Variants in ACER3 observed in about 807,000 individuals in gnomAD.
ACER3 encodes alkCDase 3.
Under a neutral mutation model 48.9 loss-of-function variants are expected in ACER3, and 16 were observed. The ratio of observed to expected loss-of-function variants is 0.33; its 90% CI spans 0.22 to 0.50. ACER3 has a LOEUF of 0.50. ACER3 is among the 20% of genes least tolerant of loss of function. The pLI is 0.98. For synonymous variants in ACER3, 109 were observed against 107.8 expected (o/e 1.01, Z -0.07); for missense variants, 227 against 326.0 (o/e 0.70, Z 2.34).
chr11:77,010,136 A>T (rs1949231450), intron 7 of ACER3, among the ~76,000 whole-genome samples: 1 of 150,972 alleles, frequency 6.6e-6, no homozygotes, highest in South Asian at 2.1e-4. Context: ...AAAGAAATGT[A>T]TTCTTGTGAG....
In ACER3 at chr11:77,022,503, A is replaced by G. The variant is rs1949486901; in HGVS notation, c.*2176A>G. On this transcript the variant is annotated 3_prime_UTR_variant, in exon 11 of 11. Coordinates refer to ENST00000532485, the MANE Select transcript of ACER3 (RefSeq NM_018367.7). ...TTCCAAGTCAGCTGTGCCTCACACA[A>G]GGCTCTCTTTTTAGCTACTAAGTAA... 1 of 152,222 alleles carries G rather than the reference A, an allele frequency of 6.6e-6. No individual in the cohort carries two copies. Among genetic ancestry groups the G allele is most frequent in the Non-Finnish European group, 1.5e-5 (1 of 68,046 alleles). The allele number at this position is 152,222 out of a possible 1,614,324, so 9.4% of individuals were successfully genotyped here.
At position 77,025,335 on chromosome 11, in the gene ACER3, C is replaced by T. The variant is rs1366170359; in HGVS notation, c.*5008C>T. ...TAAACTACAACCCATGGGCCAAATTCAGGCTGCGTTGTATGGCCTGCAAGG... is the reference window on the plus strand; with the variant it reads ...TAAACTACAACCCATGGGCCAAATTTAGGCTGCGTTGTATGGCCTGCAAGG... On this transcript the variant is annotated 3_prime_UTR_variant, in exon 11 of 11. Coordinates refer to ENST00000532485, the MANE Select transcript of ACER3 (RefSeq NM_018367.7). 2 of 150,590 alleles carry T rather than the reference C, an allele frequency of 1.3e-5. No individual in the cohort carries two copies. The highest frequency in any genetic ancestry group is 2.9e-5 in the Non-Finnish European group (2 of 67,826). 9.3% of individuals were successfully genotyped at this position (150,590 alleles called of 1,614,324 possible).
chr11:76,960,820 G>A (rs552168412), intron 3 of ACER3, among the ~76,000 whole-genome samples: 1 of 152,334 alleles, frequency 6.6e-6, no homozygotes, highest in African/African-American at 2.4e-5. Context: ...ATGCAAAGGG[G>A]ACAGCTCAGT....
rs1327920454 is a variant in ACER3, at chr11:76,860,921, G to C, written c.-56G>C. ...GGGCTGGGCCGGAGCCGGCCTGGTC[G>C]CCAGCCTAACCCGGCACAGTGAGCG... On this transcript the variant is annotated 5_prime_UTR_variant, in exon 1 of 11. Coordinates refer to ENST00000532485, the MANE Select transcript of ACER3 (RefSeq NM_018367.7). 1 of 1,288,868 alleles carries C rather than the reference G, an allele frequency of 7.8e-7. No individual in the cohort carries two copies. The highest frequency in any genetic ancestry group is 1.5e-5 in the African/African-American group (1 of 64,816). 79.8% of individuals were successfully genotyped at this position (1,288,868 alleles called of 1,614,324 possible).
intron 1 of ACER3, among the ~76,000 whole-genome samples, chr11:76,865,498 T>C (rs1344989530): frequency 6.6e-6 from 1 of 151,374 alleles, no homozygotes; most frequent in East Asian, 2.0e-4. Flanking sequence ...TTTCTCTGAA[T>C]TCCTCAGATT....
rs570068714 is a variant in ACER3, at chr11:76,949,883, G to T, written c.215-9096G>T. ...ATGGGTTCTAATCTGGACTCTGTCT[G>T]CCTTGCTAGGTTCGTCTTCCGTAAC... On this transcript the variant is annotated intron_variant, in intron 2 of 10. Coordinates refer to ENST00000532485, the MANE Select transcript of ACER3 (RefSeq NM_018367.7). 2.0e-5 allele frequency among the ~76,000 whole-genome samples: 3 copies of T among 152,216 alleles called. No homozygotes were observed. The South Asian group carries it at 6.2e-4, about 32-fold the overall frequency.
chr11:76,919,027 G>A (rs878929302), intron 1 of ACER3, among the ~76,000 whole-genome samples: 1 of 152,192 alleles, frequency 6.6e-6, no homozygotes, highest in Non-Finnish European at 1.5e-5. Context: ...GCTCAAACCA[G>A]TTACAGCTTT....
intron 2 of ACER3, among the ~76,000 whole-genome samples, chr11:76,934,113 C>T (rs1352300562): frequency 6.6e-6 from 1 of 151,992 alleles, no homozygotes; most frequent in Non-Finnish European, 1.5e-5. Flanking sequence ...AGGCACTCCT[C>T]ACTTCCTAGA....
Position 76,963,605 on chromosome 11 carries a change from C to T in ACER3, c.267+4574C>T, listed in dbSNP as rs1293459495. On this transcript the variant is annotated intron_variant, in intron 3 of 10. Transcript: ENST00000532485. ...AATCCAGTGACATGCTGGATCCAAT[C>T]GGTCTTAGCCAGCTTGGTCCACACC... is the stretch of plus-strand genomic sequence containing the variant. Among the ~76,000 whole-genome samples, 2 of 151,312 alleles carry T rather than the reference C, an allele frequency of 1.3e-5. 1 individual carries two copies. Among genetic ancestry groups the T allele is most frequent in the African/African-American group, 4.9e-5 (2 of 40,610 alleles).
At chr11:77,002,704 C>A (rs958563513) in intron 7 of ACER3, among the ~76,000 whole-genome samples, 1 of 152,060 alleles carries the variant, frequency 6.6e-6, no homozygotes, top group Non-Finnish European at 1.5e-5. Context: ...GTAGAATTCT[C>A]TAGTGAAACC....
At chr11:76,907,944 T>A (rs2134706697) in intron 1 of ACER3, among the ~76,000 whole-genome samples, 1 of 149,118 alleles carries the variant, frequency 6.7e-6, no homozygotes, top group South Asian at 2.1e-4. Context: ...TATATACAAA[T>A]TATAATTTTT....
At chr11:76,996,185 ATC>A (rs1322493779) in intron 6 of ACER3, among the ~76,000 whole-genome samples, 3 of 151,226 alleles carry the variant, frequency 2.0e-5, no homozygotes, top group African/African-American at 4.9e-5. Flanking sequence ...TGAACCCTAA[ATC>A]TCTCTCTAAT....
intron 3 of ACER3, among the ~76,000 whole-genome samples, chr11:76,966,720 C>T (rs1235808653): frequency 6.7e-6 from 1 of 149,724 alleles, no homozygotes; most frequent in African/African-American, 2.5e-5. Context: ...GGGTACATAA[C>T]GAAATGAAGG....
At chr11:76,988,830 A>G (rs564774762) in intron 5 of ACER3, among the ~76,000 whole-genome samples, 3 of 152,318 alleles carry the variant, frequency 2.0e-5, no homozygotes, top group Admixed American at 6.5e-5. Flanking sequence ...GTGTATATAG[A>G]CAATTGGTGG....
At chr11:76,997,735 G>GGCT (rs1263416132) in intron 6 of ACER3, among the ~76,000 whole-genome samples, 3 of 152,178 alleles carry the variant, frequency 2.0e-5, no homozygotes, top group African/African-American at 7.2e-5. Flanking sequence ...CTACTTGAGA[G>GGCT]GCTGAGGCAA....
intron 1 of ACER3, among the ~76,000 whole-genome samples, chr11:76,912,301 G>T (rs1023184516): frequency 1.3e-5 from 2 of 152,064 alleles, no homozygotes; most frequent in Non-Finnish European, 2.9e-5. Flanking sequence ...TTCCTTCAGG[G>T]GCTCTAGAAG....
intron 1 of ACER3, among the ~76,000 whole-genome samples, chr11:76,877,635 G>A (rs1016164529): frequency 3.3e-5 from 5 of 151,962 alleles, no homozygotes; most frequent in Admixed American, 3.3e-4. Flanking sequence ...GCTGTTTTGT[G>A]TTCAGAAAGT....
At chr11:76,933,080 A>G (rs1947053332) in intron 2 of ACER3, among the ~76,000 whole-genome samples, 1 of 151,464 alleles carries the variant, frequency 6.6e-6, no homozygotes, top group Admixed American at 6.6e-5. Context: ...AAAGAAGAAC[A>G]TTAAGGGGAA....
intron 1 of ACER3, among the ~76,000 whole-genome samples, chr11:76,915,596 C>T (rs1329913258): frequency 2.0e-5 from 3 of 152,164 alleles, no homozygotes; most frequent in Non-Finnish European, 2.9e-5. Flanking sequence ...GAGAGCCCTC[C>T]CCGGCCTCAC....
Sources: allele counts gnomAD v4.1 joint callset (sites outside exome capture counted in the v4.1 genomes callset), GRCh38; gene constraint gnomAD v4.1.1; transcripts MANE v1.5; gene names NCBI Gene and HGNC (gene_info 2026-07-23, HGNC 2026-07-21).